VCAM1: variants seen among roughly 807,000 people sequenced by gnomAD.
VCAM1 encodes vascular cell adhesion molecule 1.
VCAM1 carries 41 observed loss-of-function variants against 63.8 expected under a neutral mutation model. The observed-to-expected ratio is 0.64, with a 90% CI of 0.50 to 0.83. The LOEUF is 0.83. VCAM1 is among the 40% of genes least tolerant of loss of function. The probability of loss-of-function intolerance (pLI) is 0.00; values close to 1 mark genes in which losing one functional copy is unlikely to be tolerated. For missense variants in VCAM1, 798 were observed against 875.5 expected (o/e 0.91, Z 1.12); for synonymous variants, 338 against 320.7 (o/e 1.05, Z -0.58).
intron 4 of VCAM1, 27 bp downstream of exon 4, chr1:100,724,917 T>C: frequency 6.2e-7 from 1 of 1,606,412 alleles, no homozygotes; most frequent in East Asian, 2.2e-5. Flanking sequence ...AAAGGAATGA[T>C]AAAGGTGCTG....
chr1:100,720,115 C>G (rs112946171), intron 1 of VCAM1, among the ~76,000 whole-genome samples, 191 bp downstream of exon 1: 1 of 152,024 alleles, frequency 6.6e-6, no homozygotes, highest in African/African-American at 2.4e-5. Flanking sequence ...ATAGTTAGAG[C>G]TGAAAATTGA....
Position 100,738,208 on chromosome 1 carries a change from G to T in VCAM1, c.2145G>T (p.Met715Ile). The T allele has an allele frequency of 6.2e-7, 1 of 1,613,794 alleles. No individual in the cohort carries two copies. The highest frequency in any genetic ancestry group is 1.1e-5 in the South Asian group (1 of 91,046). The change falls in exon 9 of 9, where the codon ATG becomes ATT. Residue 715 changes from methionine (M) to isoleucine (I), a missense_variant. Coordinates refer to ENST00000294728, the MANE Select transcript of VCAM1 (RefSeq NM_001078.4). ...ASSLIIPAIG[M>I]IIYFARKANM... The stretch of plus-strand genomic sequence containing the variant: ...CCTTAATAATACCTGCCATTGGAAT[G>T]ATAATTTACTTTGCAAGAAAAGCCA...
intron 7 of VCAM1, among the ~76,000 whole-genome samples, chr1:100,733,920 G>A (rs1262071387): frequency 6.6e-6 from 1 of 152,158 alleles, no homozygotes; most frequent in African/African-American, 2.4e-5. Flanking sequence ...CTGCTATAAA[G>A]ATACTACTTG....
Position 100,729,158 on chromosome 1 carries a change from T to C in VCAM1, c.980T>C (p.Ile327Thr). The change falls in exon 5 of 9, where the codon ATT (isoleucine) becomes ACT (threonine). Residue 327 changes from isoleucine (I) to threonine (T), a missense_variant. Physicochemically the swap from Ile to Thr is moderately conservative, Grantham distance 89. Coordinates refer to ENST00000294728, the MANE Select transcript of VCAM1 (RefSeq NM_001078.4). ...CCTGGACCCCGGATTGCTGCTCAGA[T>C]TGGAGACTCAGTCATGTTGACATGT... ...ISPGPRIAAQIGDSVMLTCSV... is the reference protein window; with the variant it reads ...ISPGPRIAAQTGDSVMLTCSV... The C allele has an allele frequency of 6.2e-7, 1 of 1,611,960 alleles. No homozygotes were observed. Among genetic ancestry groups the C allele is most frequent in the Non-Finnish European group, 8.5e-7 (1 of 1,178,598 alleles).
chr1:100,730,333 G>A (rs1660396230), intron 5 of VCAM1, among the ~76,000 whole-genome samples: 1 of 152,050 alleles, frequency 6.6e-6, no homozygotes, highest in Non-Finnish European at 1.5e-5. Flanking sequence ...GCAGAAATGA[G>A]AACCAGCAGT....
In VCAM1 at chr1:100,738,470, G is replaced by A. The variant is rs1435942287; in HGVS notation, c.*187G>A. 1.9e-6 allele frequency: 1 copy of A among 518,528 alleles called. No homozygotes were observed. Among genetic ancestry groups the A allele is most frequent in the East Asian group, 3.3e-5 (1 of 30,624 alleles). 32.1% of individuals were successfully genotyped at this position (518,528 alleles called of 1,614,324 possible). ...GTCAAAGTAAAACTTGCTGCCTGAA[G>A]AACAGTAACTGCCATCAAGATGAGA... On this transcript the variant is annotated 3_prime_UTR_variant, in exon 9 of 9. Coordinates refer to ENST00000294728, the MANE Select transcript of VCAM1 (RefSeq NM_001078.4).
intron 7 of VCAM1, among the ~76,000 whole-genome samples, chr1:100,733,932 G>C (rs1268350229): frequency 1.3e-5 from 2 of 152,174 alleles, no homozygotes; most frequent in Admixed American, 1.3e-4. Flanking sequence ...TACTACTTGA[G>C]ATTGGTAATT....
chr1:100,726,549 C>A (rs941549929), intron 4 of VCAM1, among the ~76,000 whole-genome samples: 3 of 152,058 alleles, frequency 2.0e-5, no homozygotes, highest in African/African-American at 7.2e-5. Context: ...CTTAGCCATT[C>A]TCCAATATGA....
Position 100,731,298 on chromosome 1 carries a change from G to C in VCAM1, c.1305G>C (p.Arg435=). 1.2e-6 allele frequency: 2 copies of C among 1,613,814 alleles called. No homozygotes were observed. Among genetic ancestry groups the C allele is most frequent in the Non-Finnish European group, 8.5e-7 (1 of 1,179,856 alleles). ...CKVPSVYPLD[R]LEIELLKGET... is the part of the protein sequence containing the mutation. Reference sequence around the variant, plus strand: ...TTCCTAGCGTGTACCCCCTTGACCGGCTGGAGATTGAATTACTTAAGGGGG... The same window carrying C: ...TTCCTAGCGTGTACCCCCTTGACCGCCTGGAGATTGAATTACTTAAGGGGG... The change falls in exon 6 of 9, where the codon CGG becomes CGC. Residue 435 remains arginine (R), a synonymous_variant. Transcript: ENST00000294728. The surrounding 1 kb of genome is among the most constrained non-coding windows in gnomAD (Gnocchi z 4.2).
chr1:100,731,230 G>A lies in VCAM1; in HGVS notation c.1237G>A (p.Gly413Ser). Reference sequence around the variant, plus strand: ...TAGAGATCCAGAAATCGAGATGAGTGGTGGCCTCGTGAATGGGAGCTCTGT... The same window carrying A: ...TAGAGATCCAGAAATCGAGATGAGTAGTGGCCTCGTGAATGGGAGCTCTGT... ...FPRDPEIEMS[G>S]GLVNGSSVTV... is the part of the protein sequence containing the mutation. The change falls in exon 6 of 9, where the codon GGT becomes AGT. Residue 413 changes from glycine (G) to serine (S), a missense_variant. Coordinates refer to ENST00000294728, the MANE Select transcript of VCAM1 (RefSeq NM_001078.4). This position sits in a 1 kb window ranked among gnomAD's most constrained non-coding sequence, Gnocchi z 4.2. The A allele has an allele frequency of 6.2e-7, 1 of 1,612,854 alleles. No individual in the cohort carries two copies. Among genetic ancestry groups the A allele is most frequent in the East Asian group, 2.2e-5 (1 of 44,852 alleles).
At chr1:100,728,485 A>C (rs1660262645) in intron 4 of VCAM1, among the ~76,000 whole-genome samples, 1 of 152,036 alleles carries the variant, frequency 6.6e-6, no homozygotes, top group Admixed American at 6.6e-5. Flanking sequence ...GACTTGATTT[A>C]GTTGTTGTAG....
chr1:100,727,040 ATT>A (rs922973952), intron 4 of VCAM1, among the ~76,000 whole-genome samples: 14 of 76,148 alleles, frequency 1.8e-4, no homozygotes, highest in Admixed American at 3.3e-4. Flanking sequence ...AAAATCAGGA[ATT>A]CTGTGTGTGT....
At chr1:100,728,025 T>A (rs1660237488) in intron 4 of VCAM1, among the ~76,000 whole-genome samples, 1 of 151,690 alleles carries the variant, frequency 6.6e-6, no homozygotes, top group Non-Finnish European at 1.5e-5. Flanking sequence ...TATGGGGGGG[T>A]CTTATCTGTT....
chr1:100,723,474 C>T, intron 3 of VCAM1, 134 bp downstream of exon 3: 1 of 911,284 alleles, frequency 1.1e-6, no homozygotes, highest in East Asian at 2.7e-5. Flanking sequence ...TCATTCACAA[C>T]ATAATGTTTG....
intron 8 of VCAM1, 39 bp from the exon 9 acceptor site, chr1:100,738,084 G>C (rs1368222390): frequency 1.3e-6 from 2 of 1,596,598 alleles, no homozygotes; most frequent in Non-Finnish European, 1.7e-6. Context: ...CTATCTTTTT[G>C]TACTAGACAT....
At chr1:100,734,362 C>T in intron 7 of VCAM1, 140 bp from the exon 8 acceptor site, 1 of 899,078 alleles carries the variant, frequency 1.1e-6, no homozygotes, top group Middle Eastern at 3.5e-4. Context: ...TGCTTGACTT[C>T]TTTACTTGCC....
Position 100,723,142 on chromosome 1 carries a change from G to A in VCAM1, c.463G>A (p.Gly155Arg), listed in dbSNP as rs1460156830. 2 of 1,613,108 alleles carry A rather than the reference G, an allele frequency of 1.2e-6. No individual in the cohort carries two copies. Among genetic ancestry groups the A allele is most frequent in the South Asian group, 2.2e-5 (2 of 91,066 alleles). ...CAGGCTGGAGATAGACTTACTGAAA[G>A]GAGATCATCTCATGAAGAGTCAGGA... ...FDRLEIDLLKGDHLMKSQEFL... is the reference protein window; with the variant it reads ...FDRLEIDLLKRDHLMKSQEFL... Residue 155 changes from glycine (G) to arginine (R), a missense_variant, in exon 3 of 9, where the codon GGA becomes AGA. Coordinates refer to ENST00000294728, the MANE Select transcript of VCAM1 (RefSeq NM_001078.4).
At chr1:100,728,688 A>T (rs1192555718) in intron 4 of VCAM1, among the ~76,000 whole-genome samples, 3 of 149,246 alleles carry the variant, frequency 2.0e-5, no homozygotes, top group African/African-American at 7.4e-5. Context: ...GTACTAGTGT[A>T]CAAAATTGTT....
Sources: gnomAD v4.1 joint callset for allele counts (sites outside exome capture counted in the v4.1 genomes callset) on GRCh38, gnomAD v4.1.1 for gene constraint, Gnocchi (gnomAD v3.1) non-coding constraint, MANE v1.5 for transcripts, NCBI Gene and HGNC (gene_info 2026-07-23, HGNC 2026-07-21) for gene names.